Variants in WWOX observed in about 807,000 individuals in gnomAD.
WWOX encodes the protein WW domain-containing oxidoreductase.
WWOX carries 69 observed loss-of-function variants against 46.2 expected under a neutral mutation model. The observed-to-expected ratio is 1.49, with a 90% CI of 1.23 to 1.82. The LOEUF (loss-of-function observed/expected upper bound fraction) is 1.82, where lower values mean the gene tolerates loss of function less well. Ranked by LOEUF, WWOX falls within the 40% of genes most tolerant of loss-of-function variation. The pLI, the probability that WWOX is intolerant of heterozygous loss-of-function variation, is 0.00. For synonymous variants in WWOX, 359 were observed against 202.6 expected, an observed-to-expected ratio of 1.77 and a Z score of -6.56; for missense variants, 919 against 542.6, an observed-to-expected ratio of 1.69 and a Z score of -6.89.
intron 5 of WWOX, among the ~76,000 whole-genome samples, chr16:78,351,153 G>C (rs982998204): frequency 3.9e-5 from 6 of 152,226 alleles, no homozygotes; most frequent in Admixed American, 6.5e-5. Context: ...ACAGTGCAGT[G>C]TGTGCTTTTA....
intron 8 of WWOX, among the ~76,000 whole-genome samples, chr16:79,091,388 A>T (rs1002077932): frequency 1.3e-5 from 2 of 152,144 alleles, no homozygotes; most frequent in Non-Finnish European, 2.9e-5. Flanking sequence ...TCGTGAGCAC[A>T]GATGAATTTG....
intron 4 of WWOX, among the ~76,000 whole-genome samples, chr16:78,163,336 G>A (rs1235963346): frequency 6.6e-6 from 1 of 152,194 alleles, no homozygotes; most frequent in Non-Finnish European, 1.5e-5. Flanking sequence ...TCTTGTGAAG[G>A]CTGGACTGTC....
intron 8 of WWOX, among the ~76,000 whole-genome samples, chr16:78,783,191 T>G (rs1265547811): frequency 6.6e-6 from 1 of 152,250 alleles, no homozygotes; most frequent in Non-Finnish European, 1.5e-5. Context: ...GGCTGCCTGA[T>G]AATTGGAGAT....
rs1555519190 is a variant in WWOX, at chr16:78,321,362, ATATATATACG to A, written c.517-65490_517-65481del. On this transcript the variant is annotated intron_variant, in intron 5 of 8. Coordinates refer to ENST00000566780, the MANE Select transcript of WWOX (RefSeq NM_016373.4). ...CGTATATATATACGTATATATGCGT[ATATATATACG>A]TATATATGCGTATATATATACGTAT... 2.9e-3 allele frequency among the ~76,000 whole-genome samples: 172 copies of A among 58,566 alleles called. 15 individuals carry two copies. The highest frequency in any genetic ancestry group is 0.014 in the African/African-American group (163 of 11,694). The allele number at this position is 58,566 out of a possible 152,430, so 38.4% of individuals were successfully genotyped here.
At chr16:78,855,591 C>T (rs1411464884) in intron 8 of WWOX, among the ~76,000 whole-genome samples, 4 of 152,176 alleles carry the variant, frequency 2.6e-5, no homozygotes, top group African/African-American at 9.7e-5. Flanking sequence ...ACTTCCTGCT[C>T]AGAGCTGTAG....
Position 78,386,875 on chromosome 16 carries a change from G to C in WWOX, c.532G>C (p.Glu178Gln). The change falls in exon 6 of 9, where the codon GAA becomes CAA. Residue 178 changes from glutamate (E) to glutamine (Q), a missense_variant. Glu to Gln is a conservative substitution (Grantham distance 29). Coordinates refer to ENST00000566780, the MANE Select transcript of WWOX (RefSeq NM_016373.4). ...ILEEWHKAKVEAMTLDLALLR... is the reference protein window; with the variant it reads ...ILEEWHKAKVQAMTLDLALLR... ...CTCATTGCAGCATAAAGCCAAGGTA[G>C]AAGCAATGACCCTGGACCTCGCTCT... is the stretch of plus-strand genomic sequence containing the variant. 2 of 1,614,028 alleles carry C rather than the reference G, an allele frequency of 1.2e-6. No homozygotes were observed. The highest frequency in any genetic ancestry group is 1.7e-6 in the Non-Finnish European group (2 of 1,179,946).
At chr16:79,054,859 C>T (rs575952005) in intron 8 of WWOX, among the ~76,000 whole-genome samples, 1 of 152,124 alleles carries the variant, frequency 6.6e-6, no homozygotes, top group East Asian at 1.9e-4. Context: ...AAAAGGGAGG[C>T]AGAAAATTAA....
At chr16:79,019,951 C>T (rs1466104767) in intron 8 of WWOX, among the ~76,000 whole-genome samples, 2 of 152,190 alleles carry the variant, frequency 1.3e-5, no homozygotes, top group Non-Finnish European at 1.5e-5. Context: ...ATACCAAGCA[C>T]ACAGCCGTGA....
At chr16:78,514,130 C>G (rs1316754096) in intron 8 of WWOX, among the ~76,000 whole-genome samples, 1 of 152,192 alleles carries the variant, frequency 6.6e-6, no homozygotes, top group Admixed American at 6.5e-5. Context: ...AAGACTTTCT[C>G]TATAGAGGCT....
At chr16:78,395,180 A>G (rs1026680021) in intron 6 of WWOX, among the ~76,000 whole-genome samples, 1 of 152,130 alleles carries the variant, frequency 6.6e-6, no homozygotes, top group Non-Finnish European at 1.5e-5. Context: ...GGAAAAGGGG[A>G]TGTTGTGCTC....
intron 8 of WWOX, among the ~76,000 whole-genome samples, chr16:79,122,077 G>A (rs1019064863): frequency 6.6e-6 from 1 of 152,194 alleles, no homozygotes; most frequent in Admixed American, 6.5e-5. Context: ...TAGGGTGTGA[G>A]GGTGTGTGCT....
At chr16:78,568,311 C>T (rs774696429) in intron 8 of WWOX, among the ~76,000 whole-genome samples, 5 of 151,962 alleles carry the variant, frequency 3.3e-5, no homozygotes, top group African/African-American at 4.8e-5. Flanking sequence ...ATTACTTTGT[C>T]CCTCCAAAAG....
At chr16:78,389,936 G>C (rs1008117572) in intron 6 of WWOX, among the ~76,000 whole-genome samples, 1 of 152,106 alleles carries the variant, frequency 6.6e-6, no homozygotes, top group African/African-American at 2.4e-5. Context: ...TTTCTGTAGA[G>C]ATGAGGTTTC....
chr16:79,052,251 C>T (rs1166630249), intron 8 of WWOX, among the ~76,000 whole-genome samples: 1 of 149,274 alleles, frequency 6.7e-6, no homozygotes, highest in Admixed American at 6.8e-5. Context: ...CATGTGATCT[C>T]ATTGTTCAGT....
At chr16:78,143,752 G>GTTTTTTTTTTTTTTTTTTTTTTT (rs200125720) in intron 4 of WWOX, among the ~76,000 whole-genome samples, 1 of 120,240 alleles carries the variant, frequency 8.3e-6, no homozygotes, top group Non-Finnish European at 1.7e-5. Context: ...GAATTGGTAT[G>GTTTTTTTTTTTTTTTTTTTTTTT]TTTTTTTTTT....
intron 8 of WWOX, among the ~76,000 whole-genome samples, chr16:78,750,452 C>A (rs1412926869): frequency 1.3e-5 from 2 of 152,118 alleles, no homozygotes; most frequent in Admixed American, 1.3e-4. Context: ...ATTTATTTAT[C>A]ATGTGTAAGT....
At position 79,028,220 on chromosome 16, in the gene WWOX, A is replaced by T. The variant is rs189133744; in HGVS notation, c.1057-183388A>T. Among the ~76,000 whole-genome samples the T allele has an allele frequency of 4.9e-4, 75 of 151,906 alleles. 1 individual carries two copies. The highest frequency in any genetic ancestry group is 1.8e-3 in the African/African-American group (74 of 41,206). ...TGCCTTGGCCTCCCAAAGTGCTGGG[A>T]TTACAGGCGTGAGCCACCACGCCCG... is the stretch of plus-strand genomic sequence containing the variant. On this transcript the variant is annotated intron_variant, in intron 8 of 8. Transcript: ENST00000566780.
intron 8 of WWOX, among the ~76,000 whole-genome samples, chr16:78,565,258 C>T (rs1240899911): frequency 6.6e-6 from 1 of 152,198 alleles, no homozygotes; most frequent in Admixed American, 6.5e-5. Flanking sequence ...CTTTAAACAA[C>T]ACATGCTTAT....
At chr16:79,029,236 C>G (rs377576708) in intron 8 of WWOX, among the ~76,000 whole-genome samples, 43 of 152,282 alleles carry the variant, frequency 2.8e-4, no homozygotes, top group African/African-American at 9.6e-4. Flanking sequence ...ACGGCTGGGC[C>G]TACTCAGTTC....
Sources: gnomAD v4.1 joint callset for allele counts (sites outside exome capture counted in the v4.1 genomes callset) on GRCh38, gnomAD v4.1.1 for gene constraint, MANE v1.5 for transcripts, NCBI Gene and HGNC (gene_info 2026-07-23, HGNC 2026-07-21) for gene names.